INPP5A: variants seen among roughly 807,000 people sequenced by gnomAD.
INPP5A encodes the protein inositol polyphosphate-5-phosphatase A.
INPP5A carries 14 observed loss-of-function variants against 65.2 expected under a neutral mutation model. The ratio of observed to expected loss-of-function variants is 0.21; its 90% CI spans 0.14 to 0.34. The LOEUF (loss-of-function observed/expected upper bound fraction) is 0.34, where lower values mean the gene tolerates loss of function less well. INPP5A is among the 10% of genes least tolerant of loss of function. The pLI is 1.00. For missense variants in INPP5A, 431 were observed against 545.6 expected (o/e 0.79, Z 2.09); for synonymous variants, 207 against 208.3 (o/e 0.99, Z 0.05).
intron 5 of INPP5A, among the ~76,000 whole-genome samples, chr10:132,693,682 C>A (rs1845303276): frequency 1.3e-5 from 2 of 152,010 alleles, no homozygotes; most frequent in African/African-American, 4.8e-5. Context: ...AATGGATAAA[C>A]CTCTAGCCAG....
chr10:132,733,858 G>A (rs1048960691), intron 9 of INPP5A, among the ~76,000 whole-genome samples: 5 of 152,226 alleles, frequency 3.3e-5, no homozygotes, highest in Admixed American at 6.5e-5. Context: ...CCTGTGGCAC[G>A]TCCCTGTTGC....
intron 8 of INPP5A, among the ~76,000 whole-genome samples, chr10:132,720,212 A>C (rs559673422): frequency 1.5e-5 from 2 of 130,586 alleles, no homozygotes; most frequent in Non-Finnish European, 3.2e-5. Flanking sequence ...GTTCTGTGGC[A>C]CCTGGGTTCT....
Position 132,650,552 on chromosome 10 carries a change from T to C in INPP5A, c.306+47T>C. 1 of 1,365,798 alleles carries C rather than the reference T, an allele frequency of 7.3e-7. No homozygotes were observed. Among genetic ancestry groups the C allele is most frequent in the Non-Finnish European group, 1.0e-6 (1 of 957,848 alleles). The allele number at this position is 1,365,798 out of a possible 1,614,324, so 84.6% of individuals were successfully genotyped here. On this transcript the variant is annotated intron_variant, in intron 4 of 15. Transcript: ENST00000368594. The surrounding 1 kb of genome is among the most constrained non-coding windows in gnomAD (Gnocchi z 5.5). ...GTGCAGGGGTCAGACAGGCTGGCCTTGGCAGAAGCCAGCCCTTCTCCTGTG... is the reference window on the plus strand; with the variant it reads ...GTGCAGGGGTCAGACAGGCTGGCCTCGGCAGAAGCCAGCCCTTCTCCTGTG...
chr10:132,561,729 C>A (rs569954070), intron 1 of INPP5A, among the ~76,000 whole-genome samples: 37 of 143,436 alleles, frequency 2.6e-4, no homozygotes, highest in Admixed American at 9.5e-4. Context: ...TTTCCACACA[C>A]ACACACACAC....
At chr10:132,677,318 C>A (rs1341870098) in intron 4 of INPP5A, among the ~76,000 whole-genome samples, 2 of 152,258 alleles carry the variant, frequency 1.3e-5, no homozygotes, top group African/African-American at 4.8e-5. Flanking sequence ...TCATGGCCCC[C>A]CTCACCACGC....
intron 9 of INPP5A, among the ~76,000 whole-genome samples, chr10:132,742,089 G>T (rs779202517): frequency 6.6e-6 from 1 of 152,244 alleles, no homozygotes; most frequent in Non-Finnish European, 1.5e-5. Flanking sequence ...CGGTTGCTCT[G>T]TGAACTTACT....
Position 132,683,168 on chromosome 10 carries a change from T to C in INPP5A, c.307-7224T>C, listed in dbSNP as rs994409001. Among the ~76,000 whole-genome samples the C allele has an allele frequency of 2.1e-5, 3 of 143,622 alleles. No homozygotes were observed. In the South Asian group the frequency reaches 6.8e-4, roughly 32 times the overall value. 94.2% of individuals were successfully genotyped at this position (143,622 alleles called of 152,430 possible). A position where few individuals can be genotyped will look rare whatever the true frequency, so the allele number is the denominator to read the frequency against. Reference sequence around the variant, plus strand: ...GGCCATGTGTTGTATTATATACATATGTATGCACGTTTAATCCACGTGTAC... The same window carrying C: ...GGCCATGTGTTGTATTATATACATACGTATGCACGTTTAATCCACGTGTAC... On this transcript the variant is annotated intron_variant, in intron 4 of 15. Coordinates refer to ENST00000368594, the MANE Select transcript of INPP5A (RefSeq NM_005539.5).
At chr10:132,584,697 T>TA (rs919686798) in intron 1 of INPP5A, among the ~76,000 whole-genome samples, 5 of 152,152 alleles carry the variant, frequency 3.3e-5, no homozygotes, top group Admixed American at 1.3e-4. Context: ...ATTTAAGAAC[T>TA]AAAAAAAATT....
At chr10:132,607,406 A>G (rs576134352) in intron 1 of INPP5A, among the ~76,000 whole-genome samples, 2 of 152,214 alleles carry the variant, frequency 1.3e-5, no homozygotes, top group Non-Finnish European at 2.9e-5. Context: ...CGGACTCTAT[A>G]AAAGCCCCTT....
chr10:132,773,702 G>A (rs917544741), intron 12 of INPP5A, among the ~76,000 whole-genome samples: 8 of 152,308 alleles, frequency 5.3e-5, no homozygotes, highest in African/African-American at 9.6e-5. Flanking sequence ...GAGGGAACCC[G>A]TCCCACAGAA....
At chr10:132,771,355 T>C (rs1846943564) in intron 12 of INPP5A, among the ~76,000 whole-genome samples, 1 of 152,250 alleles carries the variant, frequency 6.6e-6, no homozygotes, top group African/African-American at 2.4e-5. Context: ...GGATTGACCC[T>C]GGGAGAGACC....
At position 132,781,029 on chromosome 10, in the gene INPP5A, G is replaced by A. The variant is rs560862476; in HGVS notation, c.1158+112G>A. 58 of 750,020 alleles carry A rather than the reference G, an allele frequency of 7.7e-5. 1 individual carries two copies. The Admixed American group carries it at 8.3e-4, about 11-fold the overall frequency. The allele number at this position is 750,020 out of a possible 1,614,324, so 46.5% of individuals were successfully genotyped here. A position where few individuals can be genotyped will look rare whatever the true frequency, so the allele number is the denominator to read the frequency against. On this transcript the variant is annotated intron_variant, in intron 14 of 15. Transcript: ENST00000368594. Reference sequence around the variant, plus strand: ...TGCTGGGGCTGGCAGGCAGGTGGGCGGGGGTTGGCCAGTCTCTCCTCTCCT... The same window carrying A: ...TGCTGGGGCTGGCAGGCAGGTGGGCAGGGGTTGGCCAGTCTCTCCTCTCCT...
chr10:132,630,146 G>A (rs2072244911), intron 2 of INPP5A, among the ~76,000 whole-genome samples: 1 of 152,216 alleles, frequency 6.6e-6, no homozygotes, highest in African/African-American at 2.4e-5. Flanking sequence ...AGGCGTCTAT[G>A]AGGGAAAGCC....
chr10:132,649,595 T>C (rs2072545268), intron 3 of INPP5A, among the ~76,000 whole-genome samples: 2 of 152,212 alleles, frequency 1.3e-5, no homozygotes, highest in Non-Finnish European at 2.9e-5. Flanking sequence ...TGGTGCAGTT[T>C]TATTTTCTTC....
At position 132,587,288 on chromosome 10, in the gene INPP5A, C is replaced by T. The variant is rs1459148265; in HGVS notation, c.76-20627C>T. Among the ~76,000 whole-genome samples, 5 of 152,134 alleles carry T rather than the reference C, an allele frequency of 3.3e-5. No individual in the cohort carries two copies. Among genetic ancestry groups the T allele is most frequent in the Admixed American group, 6.5e-5 (1 of 15,278 alleles). The stretch of plus-strand genomic sequence containing the variant: ...ACCTGCTGGCAGCAGGAGTGAGGGC[C>T]GTGTCTGGGCAGGAGGGGCTGGTAC... On this transcript the variant is annotated intron_variant, in intron 1 of 15. Transcript: ENST00000368594. This position sits in a 1 kb window ranked among gnomAD's most constrained non-coding sequence, Gnocchi z 4.3.
At chr10:132,649,266 C>T (rs1168392426) in intron 3 of INPP5A, among the ~76,000 whole-genome samples, 6 of 152,338 alleles carry the variant, frequency 3.9e-5, no homozygotes, top group South Asian at 2.1e-4. Context: ...TCCGTCTGTG[C>T]GTTCCTTTCG....
intron 2 of INPP5A, among the ~76,000 whole-genome samples, chr10:132,614,972 G>C (rs181210484): frequency 9.6e-4 from 146 of 152,310 alleles, no homozygotes; most frequent in African/African-American, 3.3e-3. Context: ...AGGCCCCGCA[G>C]GCTGCGGTGT....
chr10:132,563,455 C>T (rs962701204), intron 1 of INPP5A, among the ~76,000 whole-genome samples: 2 of 152,184 alleles, frequency 1.3e-5, no homozygotes, highest in Non-Finnish European at 2.9e-5. Context: ...GCGCCGTCAT[C>T]TTCATGAGTT....
intron 1 of INPP5A, among the ~76,000 whole-genome samples, chr10:132,576,636 AG>A (rs1441464763): frequency 5.9e-5 from 9 of 152,206 alleles, no homozygotes; most frequent in Non-Finnish European, 1.3e-4. Flanking sequence ...TGCAAACGAG[AG>A]TGTTCTAAAT....
Sources: gnomAD v4.1 joint callset for allele counts (sites outside exome capture counted in the v4.1 genomes callset) on GRCh38, gnomAD v4.1.1 for gene constraint, Gnocchi (gnomAD v3.1) non-coding constraint, MANE v1.5 for transcripts, NCBI Gene and HGNC (gene_info 2026-07-23, HGNC 2026-07-21) for gene names.